Variants in AURKA observed in about 807,000 individuals in gnomAD.
AURKA encodes the protein aurora 2.
Under a neutral mutation model 40.9 loss-of-function variants are expected in AURKA, and 12 were observed. That is an observed-to-expected ratio of 0.29 (90% CI 0.19 to 0.48). The LOEUF (loss-of-function observed/expected upper bound fraction) is 0.48. Among genes scored for constraint, AURKA ranks in the 20% least tolerant of loss-of-function variants. The probability of loss-of-function intolerance (pLI) is 0.99; values close to 1 mark genes in which losing one functional copy is unlikely to be tolerated. For missense variants in AURKA, 322 were observed against 462.1 expected (o/e 0.70, Z 2.78); for synonymous variants, 170 against 164.3 (o/e 1.03, Z -0.26).
At chr20:56,384,572 G>A (rs1406274173) in intron 3 of AURKA, among the ~76,000 whole-genome samples, 6 of 152,016 alleles carry the variant, frequency 3.9e-5, no homozygotes, top group Non-Finnish European at 8.8e-5. Flanking sequence ...GCCCTTCTCT[G>A]ATAAATTAAA....
At position 56,370,322 on chromosome 20, in the gene AURKA, C is replaced by T. The variant is rs1301620722; in HGVS notation, c.1048G>A (p.Asp350Asn). Reference sequence around the variant, plus strand: ...TCCCTGGCTCCCTCTGTTACAAAGTCAGGGAATGTGAATTCAACCTGGAGT... The same window carrying T: ...TCCCTGGCTCCCTCTGTTACAAAGTTAGGGAATGTGAATTCAACCTGGAGT... ...RISRVEFTFP[D>N]FVTEGARDLI... The change falls in exon 9 of 9, where the codon GAC becomes AAC. Residue 350 changes from aspartate to asparagine, a missense_variant. Asp to Asn is a conservative substitution (Grantham distance 23). Transcript: ENST00000395915. 2 of 1,614,140 alleles carry T rather than the reference C, an allele frequency of 1.2e-6. No individual in the cohort carries two copies. Among genetic ancestry groups the T allele is most frequent in the South Asian group, 1.1e-5 (1 of 91,076 alleles).
chr20:56,374,016 T>TACACACACACAC (rs11467339), intron 6 of AURKA, among the ~76,000 whole-genome samples: 23 of 147,612 alleles, frequency 1.6e-4, no homozygotes, highest in African/African-American at 4.2e-4. Flanking sequence ...TATAGGAGTC[T>TACACACACACAC]ACACACACAC....
At chr20:56,370,794 A>G (rs1303260378) in intron 7 of AURKA, 135 bp from the exon 8 acceptor site, 7 of 934,468 alleles carry the variant, frequency 7.5e-6, no homozygotes, top group Non-Finnish European at 1.1e-5. Context: ...AGTAGCTACT[A>G]TTATAAATTC....
At chr20:56,374,055 A>G (rs1346344171) in intron 6 of AURKA, among the ~76,000 whole-genome samples, 1 of 151,664 alleles carries the variant, frequency 6.6e-6, no homozygotes, top group Non-Finnish European at 1.5e-5. Flanking sequence ...ACACACATCA[A>G]CTGAACCAAT....
intron 7 of AURKA, among the ~76,000 whole-genome samples, chr20:56,370,982 C>T (rs1984090728): frequency 6.6e-6 from 1 of 152,204 alleles, no homozygotes; most frequent in Non-Finnish European, 1.5e-5. Context: ...TTGGATTCTA[C>T]ATCTGCATGT....
At chr20:56,383,341 G>T (rs894595188) in intron 4 of AURKA, among the ~76,000 whole-genome samples, 165 bp from the exon 5 acceptor site, 1 of 152,150 alleles carries the variant, frequency 6.6e-6, no homozygotes, top group Admixed American at 6.5e-5. Context: ...GAGCTGCCAC[G>T]ACATGAAACC....
intron 3 of AURKA, among the ~76,000 whole-genome samples, chr20:56,384,986 T>A (rs1986178340): frequency 6.6e-6 from 1 of 152,052 alleles, no homozygotes; most frequent in Non-Finnish European, 1.5e-5. Context: ...TCCAAACTCT[T>A]CCTCCAGATG....
chr20:56,380,072 G>A (rs1485368952), intron 6 of AURKA, among the ~76,000 whole-genome samples: 6 of 151,442 alleles, frequency 4.0e-5, no homozygotes, highest in Admixed American at 2.0e-4. Flanking sequence ...AACAAAAAGA[G>A]CAGGCCGGGC....
At position 56,371,876 on chromosome 20, in the gene AURKA, T is replaced by G. The variant is rs569234219; in HGVS notation, c.855-1217A>C. On this transcript the variant is annotated intron_variant, in intron 7 of 8. Transcript: ENST00000395915. Reference sequence around the variant, plus strand: ...ATATCCTTATTTAGGAAATGCATTCTATTATAGTGCTTAAGGTTGAAGCAT... The same window carrying G: ...ATATCCTTATTTAGGAAATGCATTCGATTATAGTGCTTAAGGTTGAAGCAT... 3.3e-5 allele frequency among the ~76,000 whole-genome samples: 5 copies of G among 152,364 alleles called. No homozygotes were observed. In the East Asian group the frequency reaches 9.6e-4, roughly 29 times the overall value.
In AURKA at chr20:56,381,566, G is replaced by A. The variant is rs1985714724; in HGVS notation, c.572C>T (p.Pro191Leu). 6.2e-7 allele frequency: 1 copy of A among 1,613,488 alleles called. No homozygotes were observed. The highest frequency in any genetic ancestry group is 1.7e-5 in the Admixed American group (1 of 59,996). Reference protein sequence around the residue: ...EVEIQSHLRHPNILRLYGYFH... With the variant: ...EVEIQSHLRHLNILRLYGYFH... ...ATAACCATACAGTCTAAGAATATTAGGATGCCTGCAACAAAGGATAAACAT... is the reference window on the plus strand; with the variant it reads ...ATAACCATACAGTCTAAGAATATTAAGATGCCTGCAACAAAGGATAAACAT... Residue 191 changes from proline to leucine, a missense_variant, in exon 6 of 9, where the codon CCT becomes CTT. Coordinates refer to ENST00000395915, the MANE Select transcript of AURKA (RefSeq NM_198437.3).
intron 7 of AURKA, among the ~76,000 whole-genome samples, chr20:56,370,908 G>A (rs1313084489): frequency 1.3e-5 from 2 of 152,192 alleles, no homozygotes; most frequent in East Asian, 1.9e-4. Flanking sequence ...AATCTAGAAT[G>A]TAAGAAACTG....
chr20:56,371,578 T>C (rs1403292232), intron 7 of AURKA, among the ~76,000 whole-genome samples: 2 of 151,342 alleles, frequency 1.3e-5, no homozygotes. Flanking sequence ...ATCAGAAAAG[T>C]CCTCTTTAAA....
At chr20:56,372,212 ACAGT>A (rs1450634706) in intron 7 of AURKA, among the ~76,000 whole-genome samples, 2 of 151,904 alleles carry the variant, frequency 1.3e-5, no homozygotes, top group African/African-American at 4.8e-5. Flanking sequence ...GAGCACACAA[ACAGT>A]CACTCACCAC....
At position 56,373,317 on chromosome 20, in the gene AURKA, A is replaced by T; in HGVS notation, c.854+91T>A. The T allele has an allele frequency of 6.3e-7, 1 of 1,595,802 alleles. No homozygotes were observed. The highest frequency in any genetic ancestry group is 8.6e-7 in the Non-Finnish European group (1 of 1,166,758). ...TAGCCACCTACCCCTCTTACAGCACAAAATCTACACTGAAATATTTTACAT... is the reference window on the plus strand; with the variant it reads ...TAGCCACCTACCCCTCTTACAGCACTAAATCTACACTGAAATATTTTACAT... On this transcript the variant is annotated intron_variant, in intron 7 of 8. Transcript: ENST00000395915. The surrounding 1 kb of genome is among the most constrained non-coding windows in gnomAD (Gnocchi z 5.0).
intron 5 of AURKA, 99 bp downstream of exon 5, chr20:56,382,886 G>A (rs1170237274): frequency 2.3e-6 from 3 of 1,300,196 alleles, no homozygotes; most frequent in Non-Finnish European, 3.3e-6. Flanking sequence ...CCTCGTAAGA[G>A]GGAGTGAAGG....
At chr20:56,374,314 G>A (rs1383150125) in intron 6 of AURKA, among the ~76,000 whole-genome samples, 3 of 152,062 alleles carry the variant, frequency 2.0e-5, no homozygotes, top group East Asian at 1.9e-4. Flanking sequence ...GGATTCAGAT[G>A]TGTAAATACT....
At chr20:56,382,013 A>T (rs1289750158) in intron 5 of AURKA, among the ~76,000 whole-genome samples, 2 of 152,066 alleles carry the variant, frequency 1.3e-5, no homozygotes, top group African/African-American at 4.8e-5. Context: ...AAAATACAAA[A>T]ATTAGCTAGG....
intron 4 of AURKA, among the ~76,000 whole-genome samples, chr20:56,384,062 G>C (rs986299220): frequency 6.6e-6 from 1 of 152,110 alleles, no homozygotes; most frequent in Non-Finnish European, 1.5e-5. Context: ...AAATTTGAAA[G>C]CCATTTTTTA....
In AURKA at chr20:56,386,390, T is replaced by C; in HGVS notation, c.186A>G (p.Gln62=). The C allele has an allele frequency of 6.2e-7, 1 of 1,614,114 alleles. No homozygotes were observed. The highest frequency in any genetic ancestry group is 8.5e-7 in the Non-Finnish European group (1 of 1,180,014). The part of the protein sequence containing the change: ...NSSQRIPLQA[Q]KLVSSHKPVQ... ...CCGGCTTGTGACTGGAGACAAGCTT[T>C]TGTGCTTGCAAAGGAATGCGCTGGG... The change falls in exon 3 of 9, where the codon CAA becomes CAG. Residue 62 remains glutamine, a synonymous_variant. Coordinates refer to ENST00000395915, the MANE Select transcript of AURKA (RefSeq NM_198437.3).
Sources: allele counts gnomAD v4.1 joint callset (sites outside exome capture counted in the v4.1 genomes callset), GRCh38; gene constraint gnomAD v4.1.1; non-coding constraint Gnocchi (gnomAD v3.1); transcripts MANE v1.5; gene names NCBI Gene and HGNC (gene_info 2026-07-23, HGNC 2026-07-21).